KCNG2: variants seen among roughly 807,000 people sequenced by gnomAD.
KCNG2 encodes the protein potassium voltage-gated channel modifier subfamily G member 2, also known as voltage-gated potassium channel regulatory subunit KCNG2.
Under a neutral mutation model 12.3 loss-of-function variants are expected in KCNG2, and 7 were observed. The ratio of observed to expected loss-of-function variants is 0.57; its 90% CI spans 0.32 to 1.07. KCNG2 has a LOEUF of 1.07. Ranked by LOEUF, KCNG2 falls within the 50% of genes least tolerant of loss-of-function variation. The pLI, the probability that KCNG2 is intolerant of heterozygous loss-of-function variation, is 0.04. For synonymous variants in KCNG2, 414 were observed against 351.4 expected (o/e 1.18, Z -1.99); for missense variants, 703 against 726.0 (o/e 0.97, Z 0.36).
At position 79,826,358 on chromosome 18, in the gene KCNG2, C is replaced by T. The variant is rs186966496; in HGVS notation, c.-115+28344C>T. Among the ~76,000 whole-genome samples, 232 of 152,374 alleles carry T rather than the reference C, an allele frequency of 1.5e-3. 7 individuals are homozygous for T. The highest frequency in any genetic ancestry group is 0.014 in the Admixed American group (207 of 15,308). ...GCTCCAGGCGCTTCAGGTACGGCGC[C>T]CGTTCTGCTCCCTTCCCAGGCCTGC... is the stretch of plus-strand genomic sequence containing the variant. On this transcript the variant is annotated intron_variant, in intron 1 of 3. Transcript: ENST00000316249.
Position 79,800,957 on chromosome 18 carries a change from C to T in KCNG2, c.-115+2943C>T, listed in dbSNP as rs551859109. Among the ~76,000 whole-genome samples the T allele has an allele frequency of 1.3e-3, 191 of 152,372 alleles. 1 individual carries two copies. Among genetic ancestry groups the T allele is most frequent in the Middle Eastern group, 3.4e-3 (1 of 294 alleles). On this transcript the variant is annotated intron_variant, in intron 1 of 3. Transcript: ENST00000316249. This position sits in a 1 kb window ranked among gnomAD's most constrained non-coding sequence, Gnocchi z 4.0. Reference sequence around the variant, plus strand: ...CTTTTCACGTGATGGGAGACCATGCCAGGCAGCTGCCAACAGTCTGGCCAC... The same window carrying T: ...CTTTTCACGTGATGGGAGACCATGCTAGGCAGCTGCCAACAGTCTGGCCAC...
intron 1 of KCNG2, among the ~76,000 whole-genome samples, chr18:79,855,700 G>A (rs1169060116): frequency 6.6e-6 from 1 of 151,968 alleles, no homozygotes; most frequent in Admixed American, 6.5e-5. Flanking sequence ...GACCCTGCAC[G>A]GCCCCTGCTT....
At chr18:79,829,767 C>G (rs551932271) in intron 1 of KCNG2, among the ~76,000 whole-genome samples, 1 of 152,356 alleles carries the variant, frequency 6.6e-6, no homozygotes, top group East Asian at 1.9e-4. Context: ...GCCGGGGCAG[C>G]TCACACCCAG....
At chr18:79,876,971 G>A (rs1041460188) in intron 3 of KCNG2, among the ~76,000 whole-genome samples, 1 of 152,236 alleles carries the variant, frequency 6.6e-6, no homozygotes, top group Non-Finnish European at 1.5e-5. Context: ...GGCACAAAAC[G>A]AGTTAACGCA....
intron 1 of KCNG2, among the ~76,000 whole-genome samples, chr18:79,824,805 A>T (rs748671933): frequency 2.6e-5 from 4 of 152,198 alleles, no homozygotes; most frequent in Non-Finnish European, 4.4e-5. Context: ...CACCTTCTGG[A>T]ACAAATTCTA....
At chr18:79,872,268 T>G (rs922326573) in intron 3 of KCNG2, among the ~76,000 whole-genome samples, 3 of 141,470 alleles carry the variant, frequency 2.1e-5, no homozygotes, top group Non-Finnish European at 3.1e-5. Context: ...ATATAAAAGC[T>G]TCAAAGCTTC....
chr18:79,817,191 C>T (rs1386983093), intron 1 of KCNG2, among the ~76,000 whole-genome samples: 2 of 150,454 alleles, frequency 1.3e-5, no homozygotes, highest in African/African-American at 4.9e-5. Flanking sequence ...GCCACTCACA[C>T]ATCTGTCACA....
At chr18:79,870,565 CTG>C (rs33960100) in intron 3 of KCNG2, among the ~76,000 whole-genome samples, 2,268 of 152,336 alleles carry the variant, frequency 0.015, 61 homozygotes, top group African/African-American at 0.052. Context: ...CCAGGACAGA[CTG>C]TGCATCTGCT....
At chr18:79,888,181 G>A (rs1454362911) in intron 3 of KCNG2, among the ~76,000 whole-genome samples, 2 of 150,936 alleles carry the variant, frequency 1.3e-5, no homozygotes, top group African/African-American at 4.8e-5. Flanking sequence ...AGGAGGCCAT[G>A]GGGAGCACCC....
intron 1 of KCNG2, among the ~76,000 whole-genome samples, chr18:79,827,241 T>C (rs1978286868): frequency 6.6e-6 from 1 of 152,248 alleles, no homozygotes. Flanking sequence ...TCAGTGGTCC[T>C]GTGTCCACCC....
At chr18:79,897,556 T>C (rs1981023507) in intron 3 of KCNG2, among the ~76,000 whole-genome samples, 2 of 152,178 alleles carry the variant, frequency 1.3e-5, no homozygotes, top group African/African-American at 4.8e-5. Flanking sequence ...ATTTGGTCAC[T>C]CTCACAGCAG....
Position 79,863,805 on chromosome 18 carries a change from G to A in KCNG2, c.138G>A (p.Leu46=). The stretch of plus-strand genomic sequence containing the variant: ...GCCCCCTCGCGCGCCTGGAGCGCCT[G>A]CGCGCCTGCCGCGGCCACGACGACC... The part of the protein sequence containing the change: ...ARCPLARLER[L]RACRGHDDLL... Residue 46 remains leucine, a synonymous_variant, in exon 3 of 4, where the codon CTG becomes CTA. Coordinates refer to ENST00000316249, the MANE Select transcript of KCNG2 (RefSeq NM_012283.2). 7.5e-7 allele frequency: 1 copy of A among 1,328,534 alleles called. No individual in the cohort carries two copies. The highest frequency in any genetic ancestry group is 9.7e-7 in the Non-Finnish European group (1 of 1,034,446). 82.3% of individuals were successfully genotyped at this position (1,328,534 alleles called of 1,614,324 possible). A position where few individuals can be genotyped will look rare whatever the true frequency, so the allele number is the denominator to read the frequency against.
chr18:79,899,840 C>A lies in KCNG2; in HGVS notation c.*24C>A, dbSNP rs1032844018. 7.6e-7 allele frequency: 1 copy of A among 1,319,050 alleles called. No homozygotes were observed. The highest frequency in any genetic ancestry group is 9.6e-7 in the Non-Finnish European group (1 of 1,038,246). The allele number at this position is 1,319,050 out of a possible 1,614,324, so 81.7% of individuals were successfully genotyped here. A position where few individuals can be genotyped will look rare whatever the true frequency, so the allele number is the denominator to read the frequency against. On this transcript the variant is annotated 3_prime_UTR_variant, in exon 4 of 4. Transcript: ENST00000316249. ...GACGCCTGCGCCGCCCACACGGAGA[C>A]CCCCTGCCCCCTCCAGCTGCAGCGT...
chr18:79,816,899 G>A (rs902047927), intron 1 of KCNG2, among the ~76,000 whole-genome samples: 2 of 152,226 alleles, frequency 1.3e-5, no homozygotes, highest in Non-Finnish European at 2.9e-5. Flanking sequence ...GTATGGAGGC[G>A]GCAGCAAAAG....
chr18:79,823,985 A>G (rs2087592359), intron 1 of KCNG2, among the ~76,000 whole-genome samples: 1 of 152,124 alleles, frequency 6.6e-6, no homozygotes, highest in South Asian at 2.1e-4. Flanking sequence ...CCTACTGTAA[A>G]TGGACTTTTT....
intron 1 of KCNG2, among the ~76,000 whole-genome samples, chr18:79,831,695 TTCG>T (rs1978296876): frequency 1.5e-5 from 2 of 135,016 alleles, no homozygotes; most frequent in African/African-American, 5.5e-5. Context: ...GGACAGAGCC[TTCG>T]TCAGGAGGGT....
At chr18:79,898,919 C>T (rs1194802901) in intron 3 of KCNG2, 121 bp from the exon 4 acceptor site, 2 of 698,396 alleles carry the variant, frequency 2.9e-6, no homozygotes, top group Non-Finnish European at 2.3e-6. Context: ...CACCCGCTTC[C>T]GTGGGTTGGG....
At chr18:79,849,987 T>C (rs939163556) in intron 1 of KCNG2, among the ~76,000 whole-genome samples, 4 of 152,006 alleles carry the variant, frequency 2.6e-5, no homozygotes, top group African/African-American at 9.7e-5. Context: ...AGGAGGAGTG[T>C]CCCGCGCACC....
intron 1 of KCNG2, among the ~76,000 whole-genome samples, chr18:79,837,858 C>T (rs1978349793): frequency 6.6e-6 from 1 of 152,164 alleles, no homozygotes; most frequent in Non-Finnish European, 1.5e-5. Flanking sequence ...GTAGCAGTGC[C>T]CCACTCCAGG....
Sources: gnomAD v4.1 joint callset for allele counts (sites outside exome capture counted in the v4.1 genomes callset) on GRCh38, gnomAD v4.1.1 for gene constraint, Gnocchi (gnomAD v3.1) non-coding constraint, MANE v1.5 for transcripts, NCBI Gene and HGNC (gene_info 2026-07-23, HGNC 2026-07-21) for gene names.